Variants in SNAP91 observed in about 807,000 individuals in gnomAD.
The protein encoded by SNAP91 is synaptosome associated protein 91, also known as clathrin coat assembly protein AP180.
Under a neutral mutation model 100.3 loss-of-function variants are expected in SNAP91, and 27 were observed. That is an observed-to-expected ratio of 0.27 (90% CI 0.20 to 0.37). The LOEUF (loss-of-function observed/expected upper bound fraction) is 0.37. SNAP91 is among the 10% of genes least tolerant of loss of function. SNAP91 has a pLI of 1.00. For synonymous variants in SNAP91, 404 were observed against 398.6 expected, an observed-to-expected ratio of 1.01 and a Z score of -0.16; for missense variants, 986 against 1,123.7, an observed-to-expected ratio of 0.88 and a Z score of 1.75.
At chr6:83,594,995 G>A (rs2094295721) in intron 16 of SNAP91, among the ~76,000 whole-genome samples, 1 of 151,970 alleles carries the variant, frequency 6.6e-6, no homozygotes, top group Non-Finnish European at 1.5e-5. Context: ...ATCTAGTACA[G>A]GCAAAATTAC....
intron 3 of SNAP91, among the ~76,000 whole-genome samples, chr6:83,663,967 G>A (rs191798891): frequency 3.1e-4 from 47 of 152,104 alleles, no homozygotes; most frequent in Admixed American, 1.3e-3. Flanking sequence ...AAAATCTAGG[G>A]CCCTTAAGAA....
In SNAP91 at chr6:83,582,383, C is replaced by T. The variant is rs1829717224; in HGVS notation, c.2015-27G>A. The stretch of plus-strand genomic sequence containing the variant: ...TGAAAAAAAGTTCCAAAAAAACAAG[C>T]AGAAATAACATAAAGGTGGGTAAAG... On this transcript the variant is annotated intron_variant, in intron 22 of 29. Coordinates refer to ENST00000369694, the MANE Select transcript of SNAP91 (RefSeq NM_001242792.2). 3.8e-6 allele frequency: 6 copies of T among 1,598,244 alleles called. No individual in the cohort carries two copies. The East Asian group carries it at 1.1e-4, about 30-fold the overall frequency.
intron 22 of SNAP91, among the ~76,000 whole-genome samples, chr6:83,588,396 T>G (rs1023473066): frequency 2.0e-5 from 3 of 152,368 alleles, no homozygotes; most frequent in Middle Eastern, 6.8e-3. Flanking sequence ...AAATGAGACC[T>G]ATGTAGATGA....
chr6:83,582,459 T>G lies in SNAP91; in HGVS notation c.2015-103A>C, dbSNP rs749963326. On this transcript the variant is annotated intron_variant, in intron 22 of 29. Transcript: ENST00000369694. ...TATAGAAAACTGAAAAGGAATTAAT[T>G]GCATGTTGATTAGCAGTCAGTGAAA... is the stretch of plus-strand genomic sequence containing the variant. 31 of 1,193,722 alleles carry G rather than the reference T, an allele frequency of 2.6e-5. No homozygotes were observed. In the South Asian group the frequency reaches 4.5e-4, roughly 17 times the overall value. The allele number at this position is 1,193,722 out of a possible 1,614,324, so 73.9% of individuals were successfully genotyped here.
At position 83,593,521 on chromosome 6, in the gene SNAP91, A is replaced by C. The variant is rs1186190389; in HGVS notation, c.1653T>G (p.Ala551=). 6.4e-7 allele frequency: 1 copy of C among 1,552,720 alleles called. No homozygotes were observed. The highest frequency in any genetic ancestry group is 2.0e-5 in the Admixed American group (1 of 51,028). The change falls in exon 18 of 30, where the codon GCT becomes GCG. Residue 551 remains alanine, a synonymous_variant. Transcript: ENST00000369694. The part of the protein sequence containing the change: ...AAATTTTTTS[A]ATATTAPPAL... ...CAGGAGGAGCAGTGGTGGCGGTGGCAGCGGAGGTGGTGGTAGTGGTGGTGG... is the reference window on the plus strand; with the variant it reads ...CAGGAGGAGCAGTGGTGGCGGTGGCCGCGGAGGTGGTGGTAGTGGTGGTGG...
intron 2 of SNAP91, among the ~76,000 whole-genome samples, chr6:83,698,863 A>G (rs1319287117): frequency 6.6e-6 from 1 of 152,254 alleles, no homozygotes; most frequent in Admixed American, 6.5e-5. Context: ...CCATAATATG[A>G]CAATATTTTT....
chr6:83,671,278 A>G (rs2098781829), intron 2 of SNAP91, among the ~76,000 whole-genome samples: 1 of 151,932 alleles, frequency 6.6e-6, no homozygotes, highest in African/African-American at 2.4e-5. Flanking sequence ...GGGGATATTT[A>G]TTTTTCATTT....
intron 2 of SNAP91, among the ~76,000 whole-genome samples, chr6:83,698,556 A>T (rs957248510): frequency 3.9e-5 from 6 of 152,138 alleles, no homozygotes; most frequent in Non-Finnish European, 7.4e-5. Context: ...TAGTAAAATT[A>T]AGAGAAAAAC....
intron 14 of SNAP91, among the ~76,000 whole-genome samples, chr6:83,603,091 A>G (rs1478011273): frequency 6.6e-6 from 1 of 152,328 alleles, no homozygotes; most frequent in East Asian, 1.9e-4. Context: ...TGTAGTGATG[A>G]CCAGCATAGT....
chr6:83,559,123 G>A (rs1371703322), intron 28 of SNAP91, among the ~76,000 whole-genome samples: 1 of 152,070 alleles, frequency 6.6e-6, no homozygotes, highest in Admixed American at 6.6e-5. Flanking sequence ...GTGGGCTCTG[G>A]GAACAACACC....
chr6:83,694,416 T>C (rs1341106152), intron 2 of SNAP91, among the ~76,000 whole-genome samples: 1 of 152,176 alleles, frequency 6.6e-6, no homozygotes, highest in Non-Finnish European at 1.5e-5. Flanking sequence ...TGGCAGACCA[T>C]GATACGAGCA....
At chr6:83,637,680 A>T (rs1246030312) in intron 8 of SNAP91, among the ~76,000 whole-genome samples, 1 of 152,078 alleles carries the variant, frequency 6.6e-6, no homozygotes, top group East Asian at 1.9e-4. Context: ...TTCAGGCGGC[A>T]CCCTTCTCAG....
In SNAP91 at chr6:83,676,765, T is replaced by C. The variant is rs148924898; in HGVS notation, c.131-11184A>G. Among the ~76,000 whole-genome samples, 389 of 152,258 alleles carry C rather than the reference T, an allele frequency of 2.6e-3. 4 individuals are homozygous for C. Among genetic ancestry groups the C allele is most frequent in the East Asian group, 8.1e-3 (42 of 5,178 alleles). On this transcript the variant is annotated intron_variant, in intron 2 of 29. Coordinates refer to ENST00000369694, the MANE Select transcript of SNAP91 (RefSeq NM_001242792.2). ...TTGAAGAATTACTATGGTGGCTATA[T>C]GGAGCAAAGACTGGGTGAGGAAAGG...
chr6:83,621,309 G>A (rs1263841077), intron 9 of SNAP91, among the ~76,000 whole-genome samples: 2 of 152,126 alleles, frequency 1.3e-5, no homozygotes, highest in Non-Finnish European at 2.9e-5. Context: ...TTTAATGGTT[G>A]TATAGTATCC....
At chr6:83,579,961 G>C (rs1031629751) in intron 24 of SNAP91, among the ~76,000 whole-genome samples, 1 of 152,128 alleles carries the variant, frequency 6.6e-6, no homozygotes, top group Non-Finnish European at 1.5e-5. Context: ...CTTCCTAAGT[G>C]CCATAAGTAC....
intron 2 of SNAP91, 25 bp downstream of exon 2, chr6:83,707,773 C>G: frequency 6.2e-7 from 1 of 1,611,450 alleles, no homozygotes; most frequent in Non-Finnish European, 8.5e-7. Flanking sequence ...GTGCGCATGT[C>G]CCTCTTATAT....
intron 7 of SNAP91, among the ~76,000 whole-genome samples, chr6:83,646,801 T>A (rs1194833718): frequency 6.6e-6 from 1 of 152,224 alleles, no homozygotes; most frequent in African/African-American, 2.4e-5. Context: ...ATTCACAGTA[T>A]TGAACCTTCT....
chr6:83,595,582 A>G (rs2094374133), intron 16 of SNAP91, among the ~76,000 whole-genome samples: 1 of 152,148 alleles, frequency 6.6e-6, no homozygotes, highest in Non-Finnish European at 1.5e-5. Flanking sequence ...CAGGCTTAGG[A>G]GAAGAAAACC....
chr6:83,692,003 A>G (rs999683723), intron 2 of SNAP91, among the ~76,000 whole-genome samples: 5 of 152,154 alleles, frequency 3.3e-5, no homozygotes, highest in African/African-American at 1.2e-4. Context: ...GTGAAGGCAT[A>G]ATTGCCCCAT....
Sources: gnomAD v4.1 joint callset for allele counts (sites outside exome capture counted in the v4.1 genomes callset) on GRCh38, gnomAD v4.1.1 for gene constraint, MANE v1.5 for transcripts, NCBI Gene and HGNC (gene_info 2026-07-23, HGNC 2026-07-21) for gene names.